Variants in PAQR5 observed in about 807,000 individuals in gnomAD.
PAQR5 encodes the protein progestin and adipoQ receptor family member 5.
PAQR5 carries 20 observed loss-of-function variants against 34.5 expected under a neutral mutation model. The ratio of observed to expected loss-of-function variants is 0.58; its 90% CI spans 0.41 to 0.84. The LOEUF is 0.84. PAQR5 is among the 40% of genes least tolerant of loss of function. The probability of loss-of-function intolerance (pLI) is 0.00; values close to 1 mark genes in which losing one functional copy is unlikely to be tolerated. For synonymous variants in PAQR5, 131 were observed against 155.6 expected (o/e 0.84, Z 1.18); for missense variants, 378 against 412.7 (o/e 0.92, Z 0.73).
At chr15:69,311,038 CAAAAAAT>C (rs200677069) in intron 1 of PAQR5, among the ~76,000 whole-genome samples, 5,987 of 35,644 alleles carry the variant, frequency 0.17, 313 homozygotes, top group East Asian at 0.32. Context: ...GACTCCGTCG[CAAAAAAT>C]AAAAAAAAAA....
intron 1 of PAQR5, among the ~76,000 whole-genome samples, chr15:69,307,901 G>C (rs1262592851): frequency 1.3e-5 from 2 of 152,208 alleles, no homozygotes; most frequent in African/African-American, 4.8e-5. Flanking sequence ...AGGCACCTGG[G>C]TAAGTTCACT....
chr15:69,301,564 G>T (rs2053605389), intron 1 of PAQR5, among the ~76,000 whole-genome samples: 1 of 152,182 alleles, frequency 6.6e-6, no homozygotes, highest in Admixed American at 6.5e-5. Flanking sequence ...GGAAGAGAAG[G>T]TGCTTTTCTG....
chr15:69,325,384 C>T (rs1471917038), intron 1 of PAQR5, among the ~76,000 whole-genome samples: 1 of 152,132 alleles, frequency 6.6e-6, no homozygotes, highest in East Asian at 1.9e-4. Context: ...GAACGAGCAC[C>T]CACCTGGGCC....
chr15:69,395,247 G>A lies in PAQR5; in HGVS notation c.513-2221G>A, dbSNP rs547266102. Among the ~76,000 whole-genome samples, 32 of 152,332 alleles carry A rather than the reference G, an allele frequency of 2.1e-4. No individual in the cohort carries two copies. The Middle Eastern group carries it at 0.01, about 49-fold the overall frequency. On this transcript the variant is annotated intron_variant, in intron 6 of 8. Coordinates refer to ENST00000395407, the MANE Select transcript of PAQR5 (RefSeq NM_017705.4). The stretch of plus-strand genomic sequence containing the variant: ...GGAGTGTGTGCCCTCTGCTCCAGGG[G>A]CAGAGCGGGCAGGGAAGGGTGAAGG...
chr15:69,322,737 GAA>G (rs2140610168), intron 1 of PAQR5, among the ~76,000 whole-genome samples: 6 of 34,376 alleles, frequency 1.7e-4, no homozygotes, highest in Admixed American at 3.8e-4. Flanking sequence ...AGAAGAAGAA[GAA>G]GAAGAAGAAG....
At chr15:69,370,784 G>A (rs548536947) in intron 3 of PAQR5, among the ~76,000 whole-genome samples, 1 of 152,312 alleles carries the variant, frequency 6.6e-6, no homozygotes, top group Non-Finnish European at 1.5e-5. Flanking sequence ...GCCTCCCAAA[G>A]TGCTGGGATT....
intron 1 of PAQR5, among the ~76,000 whole-genome samples, chr15:69,303,832 A>G (rs761966528): frequency 1.3e-5 from 2 of 152,168 alleles, no homozygotes; most frequent in Non-Finnish European, 2.9e-5. Context: ...CCCACAGAGG[A>G]GCAGATCTTG....
rs1441180804 is a variant in PAQR5, at chr15:69,405,132, G to A, written c.*1310G>A. On this transcript the variant is annotated 3_prime_UTR_variant, in exon 9 of 9. Coordinates refer to ENST00000395407, the MANE Select transcript of PAQR5 (RefSeq NM_017705.4). ...CTCATTTGTTGCATTACTGATTAAA[G>A]TTCAGTATTTCATGGTGTTTTCAGG... is the stretch of plus-strand genomic sequence containing the variant. 2 of 396,888 alleles carry A rather than the reference G, an allele frequency of 5.0e-6. No homozygotes were observed. Among genetic ancestry groups the A allele is most frequent in the East Asian group, 3.6e-5 (1 of 27,994 alleles). The allele number at this position is 396,888 out of a possible 1,614,324, so 24.6% of individuals were successfully genotyped here.
intron 1 of PAQR5, among the ~76,000 whole-genome samples, chr15:69,330,685 C>A (rs1466597974): frequency 6.6e-6 from 1 of 152,210 alleles, no homozygotes; most frequent in African/African-American, 2.4e-5. Context: ...CACCCCCCAA[C>A]CACCAACCAA....
chr15:69,369,540 T>TA (rs753281505), intron 3 of PAQR5, among the ~76,000 whole-genome samples: 1,901 of 142,890 alleles, frequency 0.013, 36 homozygotes, highest in African/African-American at 0.043. Flanking sequence ...TGCCTCAAGT[T>TA]AAAAAAAAAA....
chr15:69,332,779 TAAAAAAAAAAAAAA>T (rs56280711), intron 1 of PAQR5, among the ~76,000 whole-genome samples: 10 of 59,812 alleles, frequency 1.7e-4, no homozygotes, highest in South Asian at 9.5e-4. Context: ...CTAAATCTTG[TAAAAAAAAAAAAAA>T]AAAAAAAAAA....
At position 69,311,041 on chromosome 15, in the gene PAQR5, AAAAT is replaced by A. The variant is rs1174697861; in HGVS notation, c.-277+11989_-277+11992del. Among the ~76,000 whole-genome samples, 292 of 109,810 alleles carry A rather than the reference AAAAT, an allele frequency of 2.7e-3. 9 individuals are homozygous for A. Among genetic ancestry groups the A allele is most frequent in the African/African-American group, 0.013 (276 of 21,794 alleles). 72.0% of individuals were successfully genotyped at this position (109,810 alleles called of 152,430 possible). A position where few individuals can be genotyped will look rare whatever the true frequency, so the allele number is the denominator to read the frequency against. The stretch of plus-strand genomic sequence containing the variant: ...GCAACAGAGCAAGACTCCGTCGCAA[AAAAT>A]AAAAAAAAAAAAAAAAAAAAGAATA... On this transcript the variant is annotated intron_variant, in intron 1 of 8. Transcript: ENST00000395407.
rs553983793 is a variant in PAQR5 at position 69,310,437 on chromosome 15, C to T, written c.-277+11381C>T. Among the ~76,000 whole-genome samples the T allele has an allele frequency of 1.9e-3, 287 of 152,274 alleles. 2 individuals are homozygous for T. The highest frequency in any genetic ancestry group is 2.8e-3 in the Admixed American group (43 of 15,296). On this transcript the variant is annotated intron_variant, in intron 1 of 8. Transcript: ENST00000395407. Reference sequence around the variant, plus strand: ...ACCAAACACACCAATATTTGCCAATCTGGAAGACAAAAAATGATTTATTGA... The same window carrying T: ...ACCAAACACACCAATATTTGCCAATTTGGAAGACAAAAAATGATTTATTGA...
intron 1 of PAQR5, among the ~76,000 whole-genome samples, chr15:69,301,474 G>A (rs2053603924): frequency 6.6e-6 from 1 of 152,210 alleles, no homozygotes; most frequent in African/African-American, 2.4e-5. Flanking sequence ...GTAAGAATTG[G>A]AATTGGAATT....
intron 2 of PAQR5, among the ~76,000 whole-genome samples, chr15:69,356,873 G>A (rs1027318049): frequency 6.6e-6 from 1 of 152,118 alleles, no homozygotes; most frequent in Non-Finnish European, 1.5e-5. Flanking sequence ...CACTGATATA[G>A]TTTGAATATT....
At chr15:69,395,806 T>G (rs1482857095) in intron 6 of PAQR5, among the ~76,000 whole-genome samples, 1 of 152,104 alleles carries the variant, frequency 6.6e-6, no homozygotes, top group East Asian at 1.9e-4. Context: ...TCCTAGTTCC[T>G]TCTCCTTGAG....
At chr15:69,322,838 G>GAAGAAGAAGAAGAAGAAGAAGAA (rs1566998269) in intron 1 of PAQR5, among the ~76,000 whole-genome samples, 2 of 19,388 alleles carry the variant, frequency 1.0e-4, no homozygotes, top group African/African-American at 3.9e-4. Flanking sequence ...AAGAAGAAGA[G>GAAGAAGAAGAAGAAGAAGAAGAA]GAAGAAGAAG....
chr15:69,380,234 A>G (rs944145684), intron 4 of PAQR5: 1 of 497,956 alleles, frequency 2.0e-6, no homozygotes, highest in African/African-American at 1.9e-5. Context: ...TTGAGGGGAA[A>G]TCCCAAAAGT....
At chr15:69,399,765 A>G (rs537217337) in intron 7 of PAQR5, among the ~76,000 whole-genome samples, 1 of 152,358 alleles carries the variant, frequency 6.6e-6, no homozygotes, top group East Asian at 1.9e-4. Context: ...CACACTCAGG[A>G]TAGGAGCTCT....
Sources: gnomAD v4.1 joint callset for allele counts (sites outside exome capture counted in the v4.1 genomes callset) on GRCh38, gnomAD v4.1.1 for gene constraint, MANE v1.5 for transcripts, NCBI Gene and HGNC (gene_info 2026-07-23, HGNC 2026-07-21) for gene names.